The following MAGED1 variants were observed in gnomAD, a reference collection of about 807,000 sequenced individuals.
MAGED1 encodes MAGE family member D1.
In MAGED1, 3 loss-of-function variants were observed where a neutral mutation model predicts 54.1. The ratio of observed to expected loss-of-function variants is 0.06; its 90% CI spans 0.03 to 0.14. The LOEUF is 0.14. Ranked by LOEUF, MAGED1 falls within the 10% of genes least tolerant of loss-of-function variation. The pLI, the probability that MAGED1 is intolerant of heterozygous loss-of-function variation, is 1.00. For synonymous variants in MAGED1, 217 were observed against 227.3 expected, an observed-to-expected ratio of 0.95 and a Z score of 0.41; for missense variants, 485 against 623.4, an observed-to-expected ratio of 0.78 and a Z score of 2.36.
intron 1 of MAGED1, among the ~76,000 whole-genome samples, chrX:51,845,864 C>A (rs782803615): frequency 9.0e-6 from 1 of 111,627 alleles, no homozygotes; most frequent in East Asian, 2.8e-4. Flanking sequence ...CAGCCTCTAT[C>A]TCCCAAGTTC....
At chrX:51,874,912 T>G (rs1258859014) in intron 1 of MAGED1, among the ~76,000 whole-genome samples, 1 of 110,764 alleles carries the variant, frequency 9.0e-6, no homozygotes, top group African/African-American at 3.3e-5. Context: ...TGCTAGATAT[T>G]TTTATATTCC....
At chrX:51,842,789 G>T (rs952683000) in intron 1 of MAGED1, among the ~76,000 whole-genome samples, 1 of 110,408 alleles carries the variant, frequency 9.1e-6, no homozygotes, top group Admixed American at 9.6e-5. Flanking sequence ...AGGCTCAAGC[G>T]ATCCTCCCAC....
chrX:51,897,195 T>G lies in MAGED1; in HGVS notation c.1423-13T>G, dbSNP rs1315550971. On this transcript the variant is annotated splice_polypyrimidine_tract_variant and intron_variant, in intron 4 of 12. Coordinates refer to ENST00000326587, the MANE Select transcript of MAGED1 (RefSeq NM_006986.4). ...TATTTTATAAGTTTAATGATTTCCT[T>G]TTTCCCTCCCAGGCAAATAAGTTGG... is the stretch of plus-strand genomic sequence containing the variant. The G allele has an allele frequency of 3.3e-6, 4 of 1,207,564 alleles. No homozygotes were observed. Among genetic ancestry groups the G allele is most frequent in the Non-Finnish European group, 4.5e-6 (4 of 893,910 alleles).
chrX:51,871,988 C>G (rs1927692545), intron 1 of MAGED1, among the ~76,000 whole-genome samples: 1 of 111,915 alleles, frequency 8.9e-6, no homozygotes, highest in Non-Finnish European at 1.9e-5. Flanking sequence ...GAGATGGTAT[C>G]TCATTGTGGT....
chrX:51,852,853 T>G (rs187608639), intron 1 of MAGED1, among the ~76,000 whole-genome samples: 1 of 111,886 alleles, frequency 8.9e-6, no homozygotes, highest in Admixed American at 9.5e-5. Flanking sequence ...ATAAAAAACA[T>G]GTCTGGGTCC....
chrX:51,841,205 A>C (rs1483344827), intron 1 of MAGED1, among the ~76,000 whole-genome samples: 1 of 110,872 alleles, frequency 9.0e-6, no homozygotes, highest in East Asian at 2.8e-4. Context: ...GCATTTCTTC[A>C]TGTGTGTTTT....
intron 1 of MAGED1, among the ~76,000 whole-genome samples, chrX:51,863,556 T>G (rs1927357489): frequency 8.9e-6 from 1 of 112,114 alleles, no homozygotes; most frequent in Non-Finnish European, 1.9e-5. Context: ...ACCTCCATAC[T>G]GTTTCTGCTA....
chrX:51,867,548 C>T (rs894358689), intron 1 of MAGED1, among the ~76,000 whole-genome samples: 4 of 111,543 alleles, frequency 3.6e-5, no homozygotes, highest in Non-Finnish European at 7.5e-5. Context: ...GCTTTATATT[C>T]GCTGGCAGCT....
Position 51,898,782 on chromosome X carries a change from C to T in MAGED1, c.1844+139C>T, listed in dbSNP as rs782245718. 130 of 517,004 alleles carry T rather than the reference C, an allele frequency of 2.5e-4. 1 individual carries two copies. In the African/African-American group the frequency reaches 2.9e-3, roughly 11 times the overall value. The allele number at this position is 517,004 out of a possible 1,213,427, so 42.6% of individuals were successfully genotyped here. A position where few individuals can be genotyped will look rare whatever the true frequency, so the allele number is the denominator to read the frequency against. ...CTTTGGGAGGCTCAGGTGGGCAGAT[C>T]GCTTGAGCCCAGGAGTTCAAGACCA... is the stretch of plus-strand genomic sequence containing the variant. On this transcript the variant is annotated intron_variant, in intron 10 of 12. Transcript: ENST00000326587.
In MAGED1 at chrX:51,901,646, G is replaced by A. The variant is rs147478214; in HGVS notation, c.2053G>A (p.Glu685Lys). ...TCTGGATGCTGCTGCAGCTGAGGCC[G>A]AAGCCCGGGCTGAAGCAAGAACCCG... ...DALDAAAAEA[E>K]ARAEARTRMG... Residue 685 changes from glutamate to lysine, a missense_variant, in exon 12 of 13, where the codon GAA (glutamate) becomes AAA (lysine). Transcript: ENST00000326587. 194 of 1,209,081 alleles carry A rather than the reference G, an allele frequency of 1.6e-4. 1 individual carries two copies. Among genetic ancestry groups the A allele is most frequent in the Non-Finnish European group, 2.5e-5 (22 of 894,785 alleles).
intron 1 of MAGED1, among the ~76,000 whole-genome samples, chrX:51,842,364 G>T (rs1162640275): frequency 8.9e-6 from 1 of 111,851 alleles, no homozygotes; most frequent in Non-Finnish European, 1.9e-5. Flanking sequence ...GAATGCTTTG[G>T]TTTGCTCCAC....
intron 1 of MAGED1, among the ~76,000 whole-genome samples, chrX:51,848,702 T>A (rs1198988769): frequency 8.9e-6 from 1 of 111,871 alleles, no homozygotes; most frequent in Non-Finnish European, 1.9e-5. Context: ...AAGCAAAATA[T>A]GCCGGTGGCT....
At chrX:51,814,726 T>G (rs1925352951) in intron 1 of MAGED1, among the ~76,000 whole-genome samples, 1 of 110,973 alleles carries the variant, frequency 9.0e-6, no homozygotes, top group Non-Finnish European at 1.9e-5. Context: ...AACATTGTAG[T>G]GCAATGCGTT....
chrX:51,872,304 G>T (rs1322515565), intron 1 of MAGED1, among the ~76,000 whole-genome samples: 3 of 111,400 alleles, frequency 2.7e-5, no homozygotes, highest in South Asian at 3.7e-4. Context: ...GTCAATTTTG[G>T]CTTTTGTTGC....
intron 1 of MAGED1, among the ~76,000 whole-genome samples, chrX:51,838,984 C>T: frequency 9.0e-6 from 1 of 111,245 alleles, no homozygotes; most frequent in Non-Finnish European, 1.9e-5. Context: ...CAAATAGCAT[C>T]ACAGAGCGAC....
rs1287451326 is a variant in MAGED1, at chrX:51,812,464, G to A, written c.-37+9347G>A. ...CCACTAATATACTCTCTGTCTCTCT[G>A]AATTTCCCTATTCTGAACATTTCAT... On this transcript the variant is annotated intron_variant, in intron 1 of 12. Transcript: ENST00000375772. Among the ~76,000 whole-genome samples the A allele has an allele frequency of 4.5e-5, 5 of 111,845 alleles. No homozygotes were observed. In the East Asian group the frequency reaches 1.1e-3, roughly 25 times the overall value.
chrX:51,846,183 C>T (rs1286416575), intron 1 of MAGED1, among the ~76,000 whole-genome samples: 1 of 111,756 alleles, frequency 8.9e-6, no homozygotes, highest in Non-Finnish European at 1.9e-5. Flanking sequence ...TGACCTTACA[C>T]GATGAAAAGA....
At chrX:51,883,693 C>T (rs782149126) in intron 1 of MAGED1, among the ~76,000 whole-genome samples, 1 of 111,249 alleles carries the variant, frequency 9.0e-6, no homozygotes, top group African/African-American at 3.3e-5. Context: ...TTTAAACAGC[C>T]GTCCTAAAAA....
At chrX:51,846,197 T>G (rs1926683225) in intron 1 of MAGED1, among the ~76,000 whole-genome samples, 1 of 111,979 alleles carries the variant, frequency 8.9e-6, no homozygotes, top group Non-Finnish European at 1.9e-5. Context: ...GAAAAGAGAC[T>G]TTGCAGATAT....
Sources: allele counts gnomAD v4.1 joint callset (sites outside exome capture counted in the v4.1 genomes callset), GRCh38; gene constraint gnomAD v4.1.1; transcripts MANE v1.5; gene names NCBI Gene and HGNC (gene_info 2026-07-23, HGNC 2026-07-21).